Variants in RANBP3L observed in about 807,000 individuals in gnomAD.
The protein encoded by RANBP3L is ran-binding protein 3-like.
RANBP3L carries 56 observed loss-of-function variants against 67.2 expected under a neutral mutation model. The observed-to-expected ratio is 0.83, with a 90% CI of 0.67 to 1.04. The LOEUF is 1.04. RANBP3L is among the 50% of genes least tolerant of loss of function. The probability of loss-of-function intolerance (pLI) is 0.00; values close to 1 mark genes in which losing one functional copy is unlikely to be tolerated. For missense variants in RANBP3L, 496 were observed against 535.5 expected, an observed-to-expected ratio of 0.93 and a Z score of 0.73; for synonymous variants, 164 against 181.4, an observed-to-expected ratio of 0.90 and a Z score of 0.77.
intron 1 of RANBP3L, among the ~76,000 whole-genome samples, chr5:36,297,970 G>C (rs1010499483): frequency 2.6e-5 from 4 of 152,074 alleles, no homozygotes; most frequent in Non-Finnish European, 5.9e-5. Context: ...GGAAGGACAC[G>C]AAGCATTTTA....
chr5:36,256,999 C>A lies in RANBP3L; in HGVS notation c.845G>T (p.Cys282Phe). 1.2e-6 allele frequency: 2 copies of A among 1,612,966 alleles called. No individual in the cohort carries two copies. The highest frequency in any genetic ancestry group is 1.7e-6 in the Non-Finnish European group (2 of 1,179,222). Reference sequence around the variant, plus strand: ...TATAACATCAATTTTCTCCAGCAAGCATTTTCGTGATGGTTGGGAAGAGAA... The same window carrying A: ...TATAACATCAATTTTCTCCAGCAAGAATTTTCGTGATGGTTGGGAAGAGAA... ...AAFSSQPSRKCLLEKIDVITG... is the reference protein window; with the variant it reads ...AAFSSQPSRKFLLEKIDVITG... Residue 282 changes from cysteine (C) to phenylalanine (F), a missense_variant, in exon 10 of 14, where the codon TGC becomes TTC. By Grantham distance (205) the Cys-to-Phe change is radical. Coordinates refer to ENST00000296604, the MANE Select transcript of RANBP3L (RefSeq NM_145000.5).
chr5:36,250,568 A>G (rs1450748612), intron 13 of RANBP3L, among the ~76,000 whole-genome samples: 1 of 152,076 alleles, frequency 6.6e-6, no homozygotes, highest in Non-Finnish European at 1.5e-5. Context: ...TTGTAATTGT[A>G]TTACTCAGTC....
At chr5:36,261,703 G>A (rs1222901288) in intron 7 of RANBP3L, among the ~76,000 whole-genome samples, 1 of 152,038 alleles carries the variant, frequency 6.6e-6, no homozygotes, top group African/African-American at 2.4e-5. Flanking sequence ...TTTTCAAAAA[G>A]TTCTCACCCA....
intron 1 of RANBP3L, among the ~76,000 whole-genome samples, chr5:36,294,756 AGT>A (rs974992383): frequency 5.3e-5 from 8 of 149,844 alleles, no homozygotes; most frequent in African/African-American, 2.0e-4. Context: ...ATATATGTAT[AGT>A]GTGTGTATAT....
intron 1 of RANBP3L, among the ~76,000 whole-genome samples, chr5:36,287,683 TTAGA>T (rs1304529016): frequency 1.3e-5 from 2 of 152,188 alleles, no homozygotes; most frequent in African/African-American, 4.8e-5. Context: ...GCCCTAGGTG[TTAGA>T]TAGTTCTTTT....
intron 8 of RANBP3L, among the ~76,000 whole-genome samples, chr5:36,259,333 A>G (rs1749207382): frequency 6.6e-6 from 1 of 152,208 alleles, no homozygotes; most frequent in African/African-American, 2.4e-5. Context: ...CTATAATCCC[A>G]GCACTTAGGG....
At chr5:36,274,847 G>A (rs1452928129) in intron 1 of RANBP3L, among the ~76,000 whole-genome samples, 2 of 152,038 alleles carry the variant, frequency 1.3e-5, no homozygotes, top group African/African-American at 4.8e-5. Flanking sequence ...GAGCTGATGA[G>A]GCTGCTCTTT....
chr5:36,290,898 AT>A (rs758051439), intron 1 of RANBP3L, among the ~76,000 whole-genome samples: 8,955 of 120,840 alleles, frequency 0.074, 417 homozygotes, highest in East Asian at 0.26. Flanking sequence ...TGCCTGGCTA[AT>A]TTTTTTTTTT....
chr5:36,274,865 G>A (rs941067725), intron 1 of RANBP3L, among the ~76,000 whole-genome samples: 2 of 151,952 alleles, frequency 1.3e-5, no homozygotes, highest in African/African-American at 4.8e-5. Flanking sequence ...TTTTTTCTTT[G>A]TTTAAAATCA....
intron 1 of RANBP3L, among the ~76,000 whole-genome samples, chr5:36,271,601 C>T (rs530895027): frequency 6.6e-6 from 1 of 151,966 alleles, no homozygotes; most frequent in Non-Finnish European, 1.5e-5. Flanking sequence ...AATTATGTAC[C>T]TTTAGAATCT....
In RANBP3L at chr5:36,248,079, CAG is replaced by C. The variant is rs1436593966; in HGVS notation, c.*1573_*1574del. On this transcript the variant is annotated 3_prime_UTR_variant, in exon 14 of 14. Transcript: ENST00000296604. ...ATTTTCTGCTGAGTGTGTTCCGCAT[CAG>C]AGTCACTCTTCTTGATTTTAAAAAA... is the stretch of plus-strand genomic sequence containing the variant. Among the ~76,000 whole-genome samples the C allele has an allele frequency of 2.2e-4, 33 of 152,312 alleles. No individual in the cohort carries two copies. In the South Asian group the frequency reaches 3.5e-3, roughly 16 times the overall value.
chr5:36,271,158 C>T (rs1750179873), intron 2 of RANBP3L, 95 bp downstream of exon 2: 1 of 767,332 alleles, frequency 1.3e-6, no homozygotes, highest in East Asian at 2.5e-5. Flanking sequence ...ACAGGATAAA[C>T]CTATGCAGCC....
chr5:36,295,012 T>G lies in RANBP3L; in HGVS notation c.91+6314A>C, dbSNP rs188067282. On this transcript the variant is annotated intron_variant, in intron 1 of 13. Transcript: ENST00000296604. Reference sequence around the variant, plus strand: ...CATATATATACACACCATATTTTGTTGATCCATTCGTTTGTCAGTGGAGAT... The same window carrying G: ...CATATATATACACACCATATTTTGTGGATCCATTCGTTTGTCAGTGGAGAT... Among the ~76,000 whole-genome samples, 357 of 151,400 alleles carry G rather than the reference T, an allele frequency of 2.4e-3. 3 individuals carry two copies. Among genetic ancestry groups the G allele is most frequent in the African/African-American group, 5.0e-3 (207 of 41,348 alleles).
chr5:36,250,010 G>T (rs1748484933), intron 13 of RANBP3L, among the ~76,000 whole-genome samples: 1 of 151,906 alleles, frequency 6.6e-6, no homozygotes, highest in Admixed American at 6.6e-5. Flanking sequence ...GCAGGGGAAA[G>T]GGGGTTCATA....
chr5:36,270,126 G>C, intron 2 of RANBP3L, 136 bp from the exon 3 acceptor site: 1 of 743,558 alleles, frequency 1.3e-6, no homozygotes, highest in South Asian at 1.5e-5. Context: ...TAGTACATCA[G>C]ATTTCCACCC....
chr5:36,248,743 A>G lies in RANBP3L; in HGVS notation c.*911T>C, dbSNP rs555236830. On this transcript the variant is annotated 3_prime_UTR_variant, in exon 14 of 14. Transcript: ENST00000296604. ...AAATAGGGCTATAAGTACTGAGACT[A>G]ATTTTCTTGTGTGATTCATGAGGTG... 1 of 152,176 alleles carries G rather than the reference A, an allele frequency of 6.6e-6. No individual in the cohort carries two copies. Among genetic ancestry groups the G allele is most frequent in the African/African-American group, 2.4e-5 (1 of 41,444 alleles). 9.4% of individuals were successfully genotyped at this position (152,176 alleles called of 1,614,324 possible).
chr5:36,299,353 G>T (rs1358551861), intron 1 of RANBP3L, among the ~76,000 whole-genome samples: 3 of 145,944 alleles, frequency 2.1e-5, no homozygotes, highest in African/African-American at 8.3e-5. Context: ...GTGTGTGTGT[G>T]TGTGTGTGTG....
intron 1 of RANBP3L, among the ~76,000 whole-genome samples, chr5:36,273,689 G>T (rs1750382691): frequency 6.6e-6 from 1 of 152,098 alleles, no homozygotes; most frequent in South Asian, 2.1e-4. Context: ...GACCCAGTAG[G>T]AGAATCTGAA....
chr5:36,275,530 A>G (rs1409782274), intron 1 of RANBP3L, among the ~76,000 whole-genome samples: 1 of 152,212 alleles, frequency 6.6e-6, no homozygotes, highest in Non-Finnish European at 1.5e-5. Flanking sequence ...CAGGACTTTC[A>G]GCTTTGTCAA....
Sources: gnomAD v4.1 joint callset for allele counts (sites outside exome capture counted in the v4.1 genomes callset) on GRCh38, gnomAD v4.1.1 for gene constraint, MANE v1.5 for transcripts, NCBI Gene and HGNC (gene_info 2026-07-23, HGNC 2026-07-21) for gene names.